Variants in GPATCH2 observed in about 807,000 individuals in gnomAD.
GPATCH2 encodes G patch domain-containing protein 2.
GPATCH2 carries 51 observed loss-of-function variants against 58.0 expected under a neutral mutation model. That is an observed-to-expected ratio of 0.88 (90% CI 0.70 to 1.11). The LOEUF (loss-of-function observed/expected upper bound fraction) is 1.11. Ranked by LOEUF, GPATCH2 falls within the 50% of genes most tolerant of loss-of-function variation. GPATCH2 has a pLI of 0.00. For missense variants in GPATCH2, 625 were observed against 652.2 expected, an observed-to-expected ratio of 0.96 and a Z score of 0.45; for synonymous variants, 222 against 218.5, an observed-to-expected ratio of 1.02 and a Z score of -0.14.
intron 6 of GPATCH2, among the ~76,000 whole-genome samples, chr1:217,510,931 A>C (rs1182264952): frequency 3.3e-5 from 5 of 151,656 alleles, no homozygotes; most frequent in Admixed American, 6.6e-5. Flanking sequence ...TGTATCCACT[A>C]AAAAAATACA....
At chr1:217,588,454 C>T (rs1049075559) in intron 5 of GPATCH2, among the ~76,000 whole-genome samples, 2 of 152,116 alleles carry the variant, frequency 1.3e-5, no homozygotes, top group Admixed American at 1.3e-4. Context: ...TCAGGATGAT[C>T]TCTTCATTAG....
At chr1:217,515,415 A>G (rs1323947475) in intron 5 of GPATCH2, among the ~76,000 whole-genome samples, 1 of 152,042 alleles carries the variant, frequency 6.6e-6, no homozygotes, top group Non-Finnish European at 1.5e-5. Context: ...GATTTTTAAG[A>G]CTATTTTAAA....
At chr1:217,485,934 T>C (rs1232143195) in intron 8 of GPATCH2, among the ~76,000 whole-genome samples, 4 of 152,340 alleles carry the variant, frequency 2.6e-5, no homozygotes, top group Middle Eastern at 3.4e-3. Context: ...TTAATTAACA[T>C]AGCTTTATAA....
In GPATCH2 at chr1:217,431,198, G is replaced by C. The variant is rs1194082429; in HGVS notation, c.1534C>G (p.Leu512Val). The C allele has an allele frequency of 1.9e-6, 3 of 1,609,148 alleles. No homozygotes were observed. Among genetic ancestry groups the C allele is most frequent in the South Asian group, 1.1e-5 (1 of 90,978 alleles). Residue 512 changes from leucine (L) to valine (V), a missense_variant, in exon 10 of 10, where the codon CTA (leucine) becomes GTA (valine). Transcript: ENST00000366935. ...GTAGTTGCGGAAGTACTTTTTGGTA[G>C]AGGAAATCCAAGTCCTAATCCCTTT... is the stretch of plus-strand genomic sequence containing the variant. ...RPKGLGLGFP[L>V]PKSTSATTTP...
intron 5 of GPATCH2, among the ~76,000 whole-genome samples, chr1:217,578,401 C>G (rs910907425): frequency 6.6e-6 from 1 of 152,052 alleles, no homozygotes; most frequent in African/African-American, 2.4e-5. Context: ...CAGGCACATG[C>G]CACCAGGCCC....
chr1:217,431,364 T>C lies in GPATCH2; in HGVS notation c.1368A>G (p.Gly456=). 2 of 1,528,904 alleles carry C rather than the reference T, an allele frequency of 1.3e-6. No homozygotes were observed. Among genetic ancestry groups the C allele is most frequent in the Non-Finnish European group, 1.8e-6 (2 of 1,102,082 alleles). The allele number at this position is 1,528,904 out of a possible 1,614,324, so 94.7% of individuals were successfully genotyped here. ...TTGGCTGGGCATTTTCACCTACAAATCCTGAAATGATAAAACAACAGCACA... is the reference window on the plus strand; with the variant it reads ...TTGGCTGGGCATTTTCACCTACAAACCCTGAAATGATAAAACAACAGCACA... The part of the protein sequence containing the change: ...AAPLPGPTTA[G]FVGENAQPIL... The change falls in exon 10 of 10, where the codon GGA becomes GGG. Residue 456 remains glycine (G), a splice_region_variant and synonymous_variant. Coordinates refer to ENST00000366935, the MANE Select transcript of GPATCH2 (RefSeq NM_018040.5).
intron 6 of GPATCH2, among the ~76,000 whole-genome samples, chr1:217,509,626 CCAATTAT>C (rs1299868445): frequency 6.6e-6 from 1 of 152,090 alleles, no homozygotes; most frequent in African/African-American, 2.4e-5. Context: ...GCTTCTTCTG[CCAATTAT>C]CAATTGTATT....
intron 5 of GPATCH2, among the ~76,000 whole-genome samples, chr1:217,564,417 T>C (rs1225086222): frequency 6.6e-6 from 1 of 152,178 alleles, no homozygotes; most frequent in Non-Finnish European, 1.5e-5. Context: ...TCAGCTCCAT[T>C]TGCAATTCAT....
intron 5 of GPATCH2, among the ~76,000 whole-genome samples, chr1:217,583,168 T>C (rs1351570582): frequency 2.0e-5 from 3 of 152,070 alleles, no homozygotes; most frequent in Non-Finnish European, 2.9e-5. Context: ...ACCGAAGATA[T>C]TACCTGTAAT....
At chr1:217,541,042 C>T (rs1045345746) in intron 5 of GPATCH2, among the ~76,000 whole-genome samples, 3 of 152,126 alleles carry the variant, frequency 2.0e-5, no homozygotes, top group African/African-American at 7.2e-5. Flanking sequence ...TGAATTTGGC[C>T]AAACAGCCAG....
intron 5 of GPATCH2, among the ~76,000 whole-genome samples, chr1:217,571,395 C>A (rs559884656): frequency 2.0e-5 from 3 of 151,998 alleles, no homozygotes; most frequent in African/African-American, 4.8e-5. Flanking sequence ...TTCCCCTCCC[C>A]CAAAATGAAG....
At chr1:217,461,999 C>A (rs1660221591) in intron 8 of GPATCH2, among the ~76,000 whole-genome samples, 1 of 152,092 alleles carries the variant, frequency 6.6e-6, no homozygotes, top group Admixed American at 6.5e-5. Flanking sequence ...TAATGTTCAA[C>A]AATTGGGAGG....
At chr1:217,572,829 C>A (rs924798100) in intron 5 of GPATCH2, among the ~76,000 whole-genome samples, 8 of 152,150 alleles carry the variant, frequency 5.3e-5, no homozygotes, top group African/African-American at 1.9e-4. Context: ...TACATAGCCA[C>A]ACATATGAGA....
chr1:217,559,427 A>C (rs1183436206), intron 5 of GPATCH2, among the ~76,000 whole-genome samples: 1 of 152,108 alleles, frequency 6.6e-6, no homozygotes, highest in African/African-American at 2.4e-5. Flanking sequence ...GTGACATAAA[A>C]AATCAAACTC....
intron 5 of GPATCH2, among the ~76,000 whole-genome samples, chr1:217,527,279 G>A (rs1413848927): frequency 6.6e-6 from 1 of 152,070 alleles, no homozygotes; most frequent in Non-Finnish European, 1.5e-5. Context: ...CAAAAAGGTT[G>A]GAAAGCACTG....
chr1:217,523,589 G>A (rs932699759), intron 5 of GPATCH2, among the ~76,000 whole-genome samples: 5 of 151,748 alleles, frequency 3.3e-5, no homozygotes, highest in African/African-American at 9.7e-5. Flanking sequence ...ACACAGACAC[G>A]ACAACCATCC....
intron 8 of GPATCH2, among the ~76,000 whole-genome samples, chr1:217,455,714 AG>A (rs1659909414): frequency 6.6e-6 from 1 of 152,060 alleles, no homozygotes; most frequent in African/African-American, 2.4e-5. Flanking sequence ...ACCCCAGCAA[AG>A]GTCCCACCCT....
intron 5 of GPATCH2, among the ~76,000 whole-genome samples, chr1:217,601,454 T>C (rs2102792835): frequency 6.6e-6 from 1 of 151,998 alleles, no homozygotes; most frequent in East Asian, 1.9e-4. Context: ...GAAGCATTAG[T>C]AGTAAAGCTG....
At chr1:217,442,010 A>C (rs1659167371) in intron 9 of GPATCH2, among the ~76,000 whole-genome samples, 1 of 152,234 alleles carries the variant, frequency 6.6e-6, no homozygotes, top group Non-Finnish European at 1.5e-5. Context: ...CCAAAGGAAT[A>C]TAAATCATTC....
Sources: allele counts gnomAD v4.1 joint callset (sites outside exome capture counted in the v4.1 genomes callset), GRCh38; gene constraint gnomAD v4.1.1; transcripts MANE v1.5; gene names NCBI Gene and HGNC (gene_info 2026-07-23, HGNC 2026-07-21).